DENND2B: variants seen among roughly 807,000 people sequenced by gnomAD.
DENND2B encodes the protein DENN domain containing 2B.
In DENND2B, 32 loss-of-function variants were observed where a neutral mutation model predicts 116.0. The observed-to-expected ratio is 0.28, with a 90% CI of 0.21 to 0.37. DENND2B has a LOEUF of 0.37. DENND2B is among the 10% of genes least tolerant of loss of function. The probability of loss-of-function intolerance (pLI) is 1.00; values close to 1 mark genes in which losing one functional copy is unlikely to be tolerated. For missense variants in DENND2B, 1,276 were observed against 1,477.7 expected, an observed-to-expected ratio of 0.86 and a Z score of 2.24; for synonymous variants, 588 against 583.9, an observed-to-expected ratio of 1.01 and a Z score of -0.10.
intron 1 of DENND2B, among the ~76,000 whole-genome samples, chr11:8,751,217 T>C (rs993569886): frequency 6.6e-6 from 1 of 152,166 alleles, no homozygotes; most frequent in African/African-American, 2.4e-5. Context: ...ATCTAGCTAA[T>C]CTAGTGGGGA....
chr11:8,867,325 AG>A (rs892293920), intron 2 of DENND2B, among the ~76,000 whole-genome samples: 10 of 152,128 alleles, frequency 6.6e-5, no homozygotes, highest in African/African-American at 2.4e-4. Flanking sequence ...AAGCTCCATA[AG>A]CTGTATACAT....
intron 1 of DENND2B, among the ~76,000 whole-genome samples, chr11:8,906,203 T>C (rs1482297422): frequency 8.1e-6 from 1 of 124,106 alleles, no homozygotes; most frequent in Non-Finnish European, 1.6e-5. Context: ...AGTCTTTTTT[T>C]TCTTTTTTTT....
chr11:8,807,199 G>A (rs950506019), intron 1 of DENND2B, among the ~76,000 whole-genome samples: 2 of 152,190 alleles, frequency 1.3e-5, no homozygotes, highest in Admixed American at 6.5e-5. Flanking sequence ...AAATGGGGAC[G>A]TTTCCAGGGC....
At chr11:8,834,003 T>C (rs1442110445) in intron 4 of DENND2B, among the ~76,000 whole-genome samples, 1 of 152,158 alleles carries the variant, frequency 6.6e-6, no homozygotes, top group Non-Finnish European at 1.5e-5. Flanking sequence ...CATGCTGCTT[T>C]TTTCAGAGAG....
intron 4 of DENND2B, among the ~76,000 whole-genome samples, chr11:8,819,438 A>G (rs2061685970): frequency 6.6e-6 from 1 of 152,222 alleles, no homozygotes; most frequent in Admixed American, 6.5e-5. Context: ...ATATTTGTGT[A>G]ACCTCAAAGT....
rs752154244 is a variant in DENND2B at position 8,730,928 on chromosome 11, G to A, written c.362C>T (p.Ala121Val). Residue 121 changes from alanine (A) to valine (V), a missense_variant, in exon 3 of 20, where the codon GCA becomes GTA. Ala to Val is a moderately conservative substitution (Grantham distance 64). Coordinates refer to ENST00000313726, the MANE Select transcript of DENND2B (RefSeq NM_213618.2). The surrounding 1 kb of genome is among the most constrained non-coding windows in gnomAD (Gnocchi z 4.1). ...AGCGACCCCTGCTACATCCTGGGCTGCGCCTTGGACACTTTCCTTTTGGGC... is the reference window on the plus strand; with the variant it reads ...AGCGACCCCTGCTACATCCTGGGCTACGCCTTGGACACTTTCCTTTTGGGC... ...RDAQKESVQG[A>V]AQDVAGVAAC... The A allele has an allele frequency of 1.2e-6, 2 of 1,614,216 alleles. No homozygotes were observed. Among genetic ancestry groups the A allele is most frequent in the Non-Finnish European group, 1.7e-6 (2 of 1,180,050 alleles).
intron 1 of DENND2B, among the ~76,000 whole-genome samples, chr11:8,781,961 CTT>C (rs1211261828): frequency 2.0e-5 from 3 of 152,124 alleles, no homozygotes; most frequent in Admixed American, 6.5e-5. Context: ...GAAATGAACA[CTT>C]ATATACATTG....
At chr11:8,710,665 C>T (rs2043444956) in intron 11 of DENND2B, among the ~76,000 whole-genome samples, 180 bp downstream of exon 11, 1 of 151,982 alleles carries the variant, frequency 6.6e-6, no homozygotes. Context: ...GGTAGCCTCA[C>T]CTGTGAAAGT....
At chr11:8,755,309 TCTTA>T (rs2053417579) in intron 1 of DENND2B, among the ~76,000 whole-genome samples, 1 of 152,258 alleles carries the variant, frequency 6.6e-6, no homozygotes, top group East Asian at 1.9e-4. Flanking sequence ...CTGGAGACCA[TCTTA>T]CTTATTACTT....
At chr11:8,829,080 GTGTT>G (rs932280185) in intron 4 of DENND2B, among the ~76,000 whole-genome samples, 21 of 147,414 alleles carry the variant, frequency 1.4e-4, no homozygotes, top group African/African-American at 4.8e-4. Context: ...TGTGTATGGT[GTGTT>G]TGTGTGTGTG....
At chr11:8,785,085 A>G (rs1333464502) in intron 1 of DENND2B, 1 of 152,184 alleles carries the variant, frequency 6.6e-6, no homozygotes. Context: ...AAGAAGCCAC[A>G]GGAAGGTACA....
rs137939968 is a variant in DENND2B, at chr11:8,702,547, G to T, written c.2720+25C>A. 192 of 1,608,110 alleles carry T rather than the reference G, an allele frequency of 1.2e-4. 1 individual carries two copies. The South Asian group carries it at 1.9e-3, about 16-fold the overall frequency. On this transcript the variant is annotated intron_variant, in intron 14 of 19. Coordinates refer to ENST00000313726, the MANE Select transcript of DENND2B (RefSeq NM_213618.2). The surrounding 1 kb of genome is among the most constrained non-coding windows in gnomAD (Gnocchi z 4.6). ...GGGTGTGCCTTCCCCCCTCCCTTCTGCTTTCTTGCCCGGCTGGGCCCTACC... is the reference window on the plus strand; with the variant it reads ...GGGTGTGCCTTCCCCCCTCCCTTCTTCTTTCTTGCCCGGCTGGGCCCTACC...
chr11:8,729,872 T>C, intron 3 of DENND2B, 78 bp downstream of exon 3: 2 of 1,544,004 alleles, frequency 1.3e-6, no homozygotes, highest in South Asian at 1.3e-5. Flanking sequence ...CGACCCATCC[T>C]ACAATCTGTG....
In DENND2B at chr11:8,832,935, C is replaced by G. The variant is rs201242010; in HGVS notation, c.-115+6375G>C. On this transcript the variant is annotated intron_variant, in intron 4 of 6. Transcript: ENST00000524757. Reference sequence around the variant, plus strand: ...TGTCAGCAAGGGTCTTAGGGAGACCCGAAGCAATCCAGTCACAGGGGAGCC... The same window carrying G: ...TGTCAGCAAGGGTCTTAGGGAGACCGGAAGCAATCCAGTCACAGGGGAGCC... Among the ~76,000 whole-genome samples the G allele has an allele frequency of 2.4e-4, 37 of 152,340 alleles. No individual in the cohort carries two copies. In the East Asian group the frequency reaches 6.0e-3, roughly 25 times the overall value.
chr11:8,854,606 T>C (rs944973962), intron 3 of DENND2B, among the ~76,000 whole-genome samples: 2 of 152,248 alleles, frequency 1.3e-5, no homozygotes, highest in Non-Finnish European at 2.9e-5. Context: ...CTGGGTATGA[T>C]GGCTCATGCC....
intron 2 of DENND2B, among the ~76,000 whole-genome samples, chr11:8,870,085 T>C (rs989721872): frequency 6.6e-6 from 1 of 152,218 alleles, no homozygotes; most frequent in African/African-American, 2.4e-5. Flanking sequence ...GCAGATGGGA[T>C]AATGACCTCT....
At chr11:8,802,306 A>AAAG (rs2060424569) in intron 1 of DENND2B, among the ~76,000 whole-genome samples, 1 of 151,840 alleles carries the variant, frequency 6.6e-6, no homozygotes, top group East Asian at 1.9e-4. Context: ...CTGGAAAAAA[A>AAAG]AAAAAGGAAC....
chr11:8,875,750 T>A (rs1290534631), upstream of DENND2B, among the ~76,000 whole-genome samples: 4 of 152,066 alleles, frequency 2.6e-5, no homozygotes, highest in South Asian at 6.2e-4. Flanking sequence ...CTAAAAAAAA[T>A]TTTTTATATG....
intron 1 of DENND2B, among the ~76,000 whole-genome samples, chr11:8,762,513 C>T (rs531660699): frequency 8.5e-5 from 13 of 152,338 alleles, no homozygotes; most frequent in African/African-American, 2.2e-4. Flanking sequence ...AAAACCCAAA[C>T]GATTCTGGGC....
Sources: gnomAD v4.1 joint callset for allele counts (sites outside exome capture counted in the v4.1 genomes callset) on GRCh38, gnomAD v4.1.1 for gene constraint, Gnocchi (gnomAD v3.1) non-coding constraint, MANE v1.5 for transcripts, NCBI Gene and HGNC (gene_info 2026-07-23, HGNC 2026-07-21) for gene names.